Variants in SLC24A2 observed in about 807,000 individuals in gnomAD.
The protein encoded by SLC24A2 is solute carrier family 24 member 2.
SLC24A2 carries 36 observed loss-of-function variants against 62.0 expected under a neutral mutation model. The observed-to-expected ratio is 0.58, with a 90% confidence interval of 0.44 to 0.77. SLC24A2 has a LOEUF of 0.77. Among genes scored for constraint, SLC24A2 ranks in the 30% least tolerant of loss-of-function variants. SLC24A2 has a pLI of 0.00. For synonymous variants in SLC24A2, 358 were observed against 294.0 expected, an observed-to-expected ratio of 1.22 and a Z score of -2.23; for missense variants, 846 against 817.9, an observed-to-expected ratio of 1.03 and a Z score of -0.42.
At chr9:20,186,358 G>C in the SLC24A2 span, among the ~76,000 whole-genome samples, 1 of 152,100 alleles carries the variant, frequency 6.6e-6, no homozygotes, top group Non-Finnish European at 1.5e-5. Flanking sequence ...TGACCATTCT[G>C]ACTGAGATAT....
the SLC24A2 span, among the ~76,000 whole-genome samples, chr9:20,023,856 T>C: frequency 2.6e-5 from 4 of 152,146 alleles, no homozygotes; most frequent in African/African-American, 7.2e-5. Context: ...GTTTTAAGGA[T>C]TGTCTACCAC....
In SLC24A2 at chr9:19,636,313, T is replaced by TCTTTC. The variant is rs1564009619; in HGVS notation, c.931-14015_931-14014insGAAAG. Among the ~76,000 whole-genome samples, 44 of 21,408 alleles carry TCTTTC rather than the reference T, an allele frequency of 2.1e-3. 5 individuals are homozygous for TCTTTC. The highest frequency in any genetic ancestry group is 8.4e-3 in the African/African-American group (36 of 4,304). The allele number at this position is 21,408 out of a possible 152,430, so 14.0% of individuals were successfully genotyped here. ...TCTTTTCTTTTCTTTTCTTTTCTTT[T>TCTTTC]CTTTTCTTTCTTTCTTTCTTTCTTT... On this transcript the variant is annotated intron_variant, in intron 2 of 10. Transcript: ENST00000341998.
chr9:20,152,748 T>C, the SLC24A2 span, among the ~76,000 whole-genome samples: 1 of 151,846 alleles, frequency 6.6e-6, no homozygotes, highest in East Asian at 1.9e-4. Flanking sequence ...CTGTCAGCTT[T>C]AGACTCTGTA....
chr9:19,750,998 G>T (rs1348351451), intron 2 of SLC24A2, among the ~76,000 whole-genome samples: 1 of 152,130 alleles, frequency 6.6e-6, no homozygotes, highest in African/African-American at 2.4e-5. Flanking sequence ...TGCACCCCTA[G>T]TTTGTATACC....
chr9:19,981,727 T>C, the SLC24A2 span, among the ~76,000 whole-genome samples: 1 of 152,190 alleles, frequency 6.6e-6, no homozygotes, highest in African/African-American at 2.4e-5. Flanking sequence ...GTGTGTTTGT[T>C]CTGGTGCCCA....
At chr9:19,819,674 G>C in the SLC24A2 span, among the ~76,000 whole-genome samples, 1 of 151,888 alleles carries the variant, frequency 6.6e-6, no homozygotes, top group Non-Finnish European at 1.5e-5. Context: ...CCTTACTCCT[G>C]CAAGAATGGC....
At chr9:20,118,628 C>A in the SLC24A2 span, among the ~76,000 whole-genome samples, 2 of 151,594 alleles carry the variant, frequency 1.3e-5, no homozygotes, top group African/African-American at 4.8e-5. Context: ...GTATTTATTT[C>A]TGAAAAATCA....
At chr9:20,218,652 T>C in the SLC24A2 span, among the ~76,000 whole-genome samples, 1 of 152,190 alleles carries the variant, frequency 6.6e-6, no homozygotes, top group African/African-American at 2.4e-5. Flanking sequence ...TGATGTTGAA[T>C]ATGGTAGTCA....
the SLC24A2 span, chr9:19,929,467 C>T: frequency 6.6e-6 from 1 of 152,116 alleles, no homozygotes; most frequent in Non-Finnish European, 1.5e-5. Context: ...GATCCCAGGA[C>T]CTGAAAATAT....
At chr9:20,042,848 G>A in the SLC24A2 span, among the ~76,000 whole-genome samples, 2 of 152,318 alleles carry the variant, frequency 1.3e-5, no homozygotes, top group Admixed American at 6.5e-5. Context: ...TCTGTGACCA[G>A]TAATCTTTGA....
At chr9:19,724,165 A>T (rs1383912197) in intron 2 of SLC24A2, among the ~76,000 whole-genome samples, 1 of 152,192 alleles carries the variant, frequency 6.6e-6, no homozygotes, top group African/African-American at 2.4e-5. Context: ...AGAAGAATTT[A>T]AGAGCAAGTC....
chr9:20,126,888 T>A, the SLC24A2 span, among the ~76,000 whole-genome samples: 1 of 152,124 alleles, frequency 6.6e-6, no homozygotes, highest in East Asian at 1.9e-4. Context: ...GGGTATATCA[T>A]ATTTTTAGGA....
chr9:19,523,387 A>C (rs1014088476), intron 9 of SLC24A2, among the ~76,000 whole-genome samples: 1 of 152,174 alleles, frequency 6.6e-6, no homozygotes, highest in Admixed American at 6.5e-5. Flanking sequence ...GTTGATGACT[A>C]TATGTGAGAT....
At position 19,516,321 on chromosome 9, in the gene SLC24A2, G is replaced by A. The variant is rs1371818813; in HGVS notation, c.1818C>T (p.Ala606=). The change falls in exon 11 of 11, where the codon GCC becomes GCT. Residue 606 remains alanine, a synonymous_variant. Transcript: ENST00000341998. ...VAVSSNGLFC[A]IVLLFIMLLF... is the part of the protein sequence containing the mutation. ...GCAGCATGATGAAGAGAAGGACGAT[G>A]GCACAGAAAAGGCCATTGCTGCTGA... is the stretch of plus-strand genomic sequence containing the variant. 8.7e-6 allele frequency: 14 copies of A among 1,614,026 alleles called. No individual in the cohort carries two copies. Among genetic ancestry groups the A allele is most frequent in the Middle Eastern group, 1.6e-4 (1 of 6,084 alleles).
At chr9:20,210,725 G>A in the SLC24A2 span, among the ~76,000 whole-genome samples, 3 of 134,386 alleles carry the variant, frequency 2.2e-5, no homozygotes, top group Non-Finnish European at 4.6e-5. Context: ...AGGATGGTCT[G>A]GATCTCCTGA....
the SLC24A2 span, among the ~76,000 whole-genome samples, chr9:20,189,348 C>T: frequency 1.3e-5 from 2 of 152,170 alleles, no homozygotes; most frequent in African/African-American, 2.4e-5. Flanking sequence ...CTGCTGGGAG[C>T]TCTGGAGGCT....
At chr9:19,544,972 T>A (rs977042651) in intron 8 of SLC24A2, among the ~76,000 whole-genome samples, 1 of 152,200 alleles carries the variant, frequency 6.6e-6, no homozygotes, top group African/African-American at 2.4e-5. Flanking sequence ...AACGTTGGCC[T>A]GTCTTGCTAG....
At chr9:20,019,289 AAG>A in the SLC24A2 span, among the ~76,000 whole-genome samples, 246 of 150,378 alleles carry the variant, frequency 1.6e-3, 1 homozygote, top group Admixed American at 5.3e-3. Flanking sequence ...GAAAGAAAGA[AAG>A]AAAGAAAGAA....
chr9:19,856,185 A>G, the SLC24A2 span, among the ~76,000 whole-genome samples: 1 of 152,074 alleles, frequency 6.6e-6, no homozygotes, highest in Non-Finnish European at 1.5e-5. Context: ...AGCTCTTGTA[A>G]TGTTTTATCA....
Sources: gnomAD v4.1 joint callset for allele counts (sites outside exome capture counted in the v4.1 genomes callset) on GRCh38, gnomAD v4.1.1 for gene constraint, MANE v1.5 for transcripts, NCBI Gene and HGNC (gene_info 2026-07-23, HGNC 2026-07-21) for gene names.